The following EVA1A variants were observed in gnomAD, a reference collection of about 807,000 sequenced individuals.
The protein encoded by EVA1A is protein eva-1 homolog A.
EVA1A carries 7 observed loss-of-function variants against 9.8 expected under a neutral mutation model. That is an observed-to-expected ratio of 0.71 (90% CI 0.41 to 1.34). The LOEUF (loss-of-function observed/expected upper bound fraction) is 1.34. Among genes scored for constraint, EVA1A ranks in the 40% most tolerant of loss-of-function variants. The pLI, the probability that EVA1A is intolerant of heterozygous loss-of-function variation, is 0.01. For synonymous variants in EVA1A, 90 were observed against 85.6 expected (o/e 1.05, Z -0.28); for missense variants, 206 against 205.9 (o/e 1.00, Z 0.00).
chr2:75,560,448 G>A (rs1676883036), intron 1 of EVA1A, among the ~76,000 whole-genome samples: 1 of 152,202 alleles, frequency 6.6e-6, no homozygotes, highest in South Asian at 2.1e-4. Context: ...GGGGGCGAGA[G>A]AAGAAACAGG....
intron 1 of EVA1A, chr2:75,524,025 G>C (rs963802192): frequency 1.3e-5 from 2 of 152,146 alleles, no homozygotes. Flanking sequence ...GTTCTCATGA[G>C]ATCTGATGGT....
chr2:75,566,362 T>TC (rs1456315567), intron 1 of EVA1A, among the ~76,000 whole-genome samples: 3 of 144,902 alleles, frequency 2.1e-5, no homozygotes, highest in Non-Finnish European at 4.7e-5. Flanking sequence ...CCAGGCCTTG[T>TC]CTTTTTTTTC....
chr2:75,568,806 C>T (rs1167475850), intron 1 of EVA1A, among the ~76,000 whole-genome samples: 1 of 152,214 alleles, frequency 6.6e-6, no homozygotes, highest in East Asian at 1.9e-4. Context: ...CTCTTTATGG[C>T]TGAGTAGTAT....
At chr2:75,533,319 C>T (rs1332359250) in intron 1 of EVA1A, among the ~76,000 whole-genome samples, 1 of 152,018 alleles carries the variant, frequency 6.6e-6, no homozygotes, top group Non-Finnish European at 1.5e-5. Context: ...CAGTAAGTAG[C>T]ACAATGTATG....
intron 1 of EVA1A, among the ~76,000 whole-genome samples, chr2:75,554,589 G>A (rs1363382791): frequency 6.6e-6 from 1 of 152,192 alleles, no homozygotes; most frequent in Non-Finnish European, 1.5e-5. Flanking sequence ...GGGATAAAGG[G>A]CTCAGAGTTT....
intron 1 of EVA1A, among the ~76,000 whole-genome samples, chr2:75,566,944 A>G (rs1225838035): frequency 6.6e-6 from 1 of 152,202 alleles, no homozygotes; most frequent in Non-Finnish European, 1.5e-5. Flanking sequence ...AAGCATAAAC[A>G]GAACTTAAAC....
chr2:75,494,419 A>G (rs1674135905), intron 3 of EVA1A, among the ~76,000 whole-genome samples: 2 of 152,346 alleles, frequency 1.3e-5, no homozygotes, highest in South Asian at 4.1e-4. Flanking sequence ...ATTAGGTTAC[A>G]TAAGACTGTG....
chr2:75,508,882 C>T (rs1040924415), intron 3 of EVA1A, among the ~76,000 whole-genome samples: 6 of 152,186 alleles, frequency 3.9e-5, no homozygotes, highest in East Asian at 3.9e-4. Context: ...ACGTGACTAT[C>T]GGGGCGGGTT....
At chr2:75,523,194 GAC>G in intron 1 of EVA1A, among the ~76,000 whole-genome samples, 2 of 152,252 alleles carry the variant, frequency 1.3e-5, no homozygotes, top group East Asian at 3.9e-4. Flanking sequence ...ACTTTATAGA[GAC>G]ACATCTCAGC....
At chr2:75,517,372 G>T (rs1675050553) in intron 3 of EVA1A, among the ~76,000 whole-genome samples, 1 of 152,092 alleles carries the variant, frequency 6.6e-6, no homozygotes, top group Admixed American at 6.5e-5. Context: ...AAAGTATCAA[G>T]AAATTAAAAA....
chr2:75,562,501 C>T (rs761825907), upstream of EVA1A, among the ~76,000 whole-genome samples: 1 of 152,228 alleles, frequency 6.6e-6, no homozygotes, highest in Non-Finnish European at 1.5e-5. Flanking sequence ...CACTCTCATG[C>T]AGAGGCAACT....
intron 1 of EVA1A, among the ~76,000 whole-genome samples, chr2:75,555,633 G>T (rs990472287): frequency 6.6e-6 from 1 of 152,142 alleles, no homozygotes; most frequent in Admixed American, 6.5e-5. Context: ...AAGGCCAGCA[G>T]AGATAAGAGG....
At chr2:75,505,636 C>A (rs1025698360) in intron 3 of EVA1A, among the ~76,000 whole-genome samples, 3 of 152,006 alleles carry the variant, frequency 2.0e-5, no homozygotes, top group South Asian at 4.2e-4. Context: ...TATGGTGAAA[C>A]CCTGTCTCTA....
intron 1 of EVA1A, among the ~76,000 whole-genome samples, chr2:75,553,980 G>A (rs2103976678): frequency 6.6e-6 from 1 of 152,296 alleles, no homozygotes. Flanking sequence ...GGGAACTCAG[G>A]AAAGAAATGC....
intron 3 of EVA1A, among the ~76,000 whole-genome samples, chr2:75,496,382 A>G (rs1674212559): frequency 6.6e-6 from 1 of 152,202 alleles, no homozygotes; most frequent in African/African-American, 2.4e-5. Flanking sequence ...ATTTCTATGC[A>G]CCAACAATGT....
intron 1 of EVA1A, among the ~76,000 whole-genome samples, chr2:75,533,491 G>A (rs1014621613): frequency 2.0e-5 from 3 of 152,082 alleles, no homozygotes; most frequent in Admixed American, 6.5e-5. Context: ...CCTCTAAAAA[G>A]AAAGAAAAGA....
At chr2:75,560,440 G>C (rs967179212) in intron 1 of EVA1A, among the ~76,000 whole-genome samples, 1 of 152,172 alleles carries the variant, frequency 6.6e-6, no homozygotes, top group African/African-American at 2.4e-5. Flanking sequence ...GAAGCAGGGG[G>C]GGCGAGAGAA....
At chr2:75,533,129 A>G (rs1409992670) in intron 1 of EVA1A, among the ~76,000 whole-genome samples, 1 of 151,268 alleles carries the variant, frequency 6.6e-6, no homozygotes, top group Non-Finnish European at 1.5e-5. Flanking sequence ...AGCCTGAGTG[A>G]CAGAGTGAGA....
At chr2:75,496,856 C>A (rs1003168278) in intron 3 of EVA1A, among the ~76,000 whole-genome samples, 1 of 152,154 alleles carries the variant, frequency 6.6e-6, no homozygotes, top group Non-Finnish European at 1.5e-5. Context: ...ACCAATGGAA[C>A]AGGATAAAGA....
Sources: allele counts gnomAD v4.1 joint callset (sites outside exome capture counted in the v4.1 genomes callset), GRCh38; gene constraint gnomAD v4.1.1; transcripts MANE v1.5; gene names NCBI Gene and HGNC (gene_info 2026-07-23, HGNC 2026-07-21).